The following PLA2G6 variants were observed in gnomAD, a reference collection of about 807,000 sequenced individuals.
The protein encoded by PLA2G6 is phospholipase A2 group VI.
A neutral mutation model predicts 83.8 loss-of-function variants in PLA2G6; 62 were observed. The observed-to-expected ratio is 0.74, with a 90% CI of 0.60 to 0.91. The LOEUF is 0.91. Ranked by LOEUF, PLA2G6 falls within the 40% of genes least tolerant of loss-of-function variation. The probability of loss-of-function intolerance (pLI) is 0.00; values close to 1 mark genes in which losing one functional copy is unlikely to be tolerated. For missense variants in PLA2G6, 944 were observed against 1,102.0 expected, an observed-to-expected ratio of 0.86 and a Z score of 2.03; for synonymous variants, 417 against 449.8, an observed-to-expected ratio of 0.93 and a Z score of 0.92.
At chr22:38,112,818 T>C (rs1569239893) in intron 15 of PLA2G6, 2 of 594,356 alleles carry the variant, frequency 3.4e-6, no homozygotes, top group Non-Finnish European at 6.0e-6. Context: ...GGATGATGAG[T>C]GGGGGAAAGG....
intron 9 of PLA2G6, chr22:38,127,515 G>A (rs1361882432): frequency 5.2e-6 from 6 of 1,142,902 alleles, no homozygotes; most frequent in Middle Eastern, 2.3e-4. Context: ...GGAGGGGAGA[G>A]AGAGGTGGAG....
intron 5 of PLA2G6, chr22:38,137,928 C>T (rs921307796): frequency 2.6e-5 from 4 of 152,226 alleles, no homozygotes; most frequent in African/African-American, 9.7e-5. Flanking sequence ...ACACTGAGGC[C>T]GTGGGATTCT....
At chr22:38,121,759 G>C (rs1462671132) in intron 11 of PLA2G6, among the ~76,000 whole-genome samples, 3 of 152,194 alleles carry the variant, frequency 2.0e-5, no homozygotes, top group Non-Finnish European at 4.4e-5. Context: ...AGAAGGACGT[G>C]GCCCTTTTGG....
At chr22:38,160,557 T>C (rs1158528304) in intron 2 of PLA2G6, among the ~76,000 whole-genome samples, 1 of 152,100 alleles carries the variant, frequency 6.6e-6, no homozygotes, top group African/African-American at 2.4e-5. Flanking sequence ...TAGAAAAGCC[T>C]TTATCTTGGC....
intron 13 of PLA2G6, 86 bp from the exon 14 acceptor site, chr22:38,115,767 G>T: frequency 6.6e-7 from 1 of 1,510,550 alleles, no homozygotes; most frequent in African/African-American, 1.4e-5. Flanking sequence ...GTGCGTGTTG[G>T]GGGCTGGGGG....
chr22:38,115,570 G>C lies in PLA2G6; in HGVS notation c.1991C>G (p.Ala664Gly). Residue 664 changes from alanine to glycine, a missense_variant, in exon 14 of 17, where the codon GCC (alanine) becomes GGC (glycine). Transcript: ENST00000332509. The part of the protein sequence containing the change: ...GLLANNPTLD[A>G]MTEIHEYNQD... Reference sequence around the variant, plus strand: ...ATTGTACTCATGGATCTCGGTCATGGCATCCAGCGTGGGGTTGTTGGCCAG... The same window carrying C: ...ATTGTACTCATGGATCTCGGTCATGCCATCCAGCGTGGGGTTGTTGGCCAG... 6.2e-7 allele frequency: 1 copy of C among 1,613,572 alleles called. No homozygotes were observed. The highest frequency in any genetic ancestry group is 8.5e-7 in the Non-Finnish European group (1 of 1,179,898).
intron 1 of PLA2G6, among the ~76,000 whole-genome samples, chr22:38,175,862 T>G (rs1243570122): frequency 6.6e-6 from 1 of 152,142 alleles, no homozygotes; most frequent in East Asian, 1.9e-4. Flanking sequence ...TGACTCACAG[T>G]GGGTGTTTAA....
At chr22:38,118,753 GTTT>G (rs10709435) in intron 12 of PLA2G6, among the ~76,000 whole-genome samples, 2 of 138,688 alleles carry the variant, frequency 1.4e-5, no homozygotes. Context: ...GTTTGTTTTT[GTTT>G]TTTTTTTTTT....
intron 1 of PLA2G6, among the ~76,000 whole-genome samples, chr22:38,173,520 C>T (rs738323): frequency 0.31 from 47,720 of 151,726 alleles, 8,110 homozygotes; most frequent in South Asian, 0.43. Flanking sequence ...TTTTGGTGCC[C>T]CTGCTGAGGG....
At chr22:38,151,088 A>G (rs1207198095) in intron 2 of PLA2G6, among the ~76,000 whole-genome samples, 1 of 152,176 alleles carries the variant, frequency 6.6e-6, no homozygotes, top group Admixed American at 6.6e-5. Flanking sequence ...ATAAATGCCA[A>G]TGAGAATTCT....
Position 38,145,611 on chromosome 22 carries a change from G to A in PLA2G6, c.252C>T (p.Phe84=), listed in dbSNP as rs765050084. The change falls in exon 3 of 17, where the codon TTC becomes TTT. Residue 84 remains phenylalanine, a synonymous_variant. Coordinates refer to ENST00000332509, the MANE Select transcript of PLA2G6 (RefSeq NM_003560.4). ...GTAGCAGCTGGGAAGAATACTGATG[G>A]AAATTCACTAGGGCGTCAGCCTCCA... is the stretch of plus-strand genomic sequence containing the variant. The part of the protein sequence containing the change: ...LELEADALVN[F]HQYSSQLLPF... 1.3e-5 allele frequency: 21 copies of A among 1,613,754 alleles called. No homozygotes were observed. Among genetic ancestry groups the A allele is most frequent in the Non-Finnish European group, 1.8e-5 (21 of 1,179,876 alleles).
chr22:38,156,223 T>C (rs2089772293), intron 2 of PLA2G6, among the ~76,000 whole-genome samples: 1 of 152,142 alleles, frequency 6.6e-6, no homozygotes, highest in Non-Finnish European at 1.5e-5. Flanking sequence ...AATACAATAA[T>C]AGCTGGAGAC....
At chr22:38,125,133 CAT>C (rs2087762114) in intron 10 of PLA2G6, among the ~76,000 whole-genome samples, 1 of 151,738 alleles carries the variant, frequency 6.6e-6, no homozygotes, top group Admixed American at 6.5e-5. Flanking sequence ...CATGTGTGTA[CAT>C]GTGTGTGCAT....
Position 38,161,944 on chromosome 22 carries a change from C to T in PLA2G6, c.209+7274G>A, listed in dbSNP as rs1003326543. Among the ~76,000 whole-genome samples the T allele has an allele frequency of 3.9e-5, 6 of 152,206 alleles. No homozygotes were observed. The East Asian group carries it at 5.8e-4, about 15-fold the overall frequency. ...ATAGGGCCGGGCAGGGTGGTTCATG[C>T]CTGTAATCCCAGCACTTTGGGAGGC... is the stretch of plus-strand genomic sequence containing the variant. On this transcript the variant is annotated intron_variant, in intron 2 of 16. Coordinates refer to ENST00000332509, the MANE Select transcript of PLA2G6 (RefSeq NM_003560.4).
chr22:38,151,811 C>T (rs1325573744), intron 2 of PLA2G6, among the ~76,000 whole-genome samples: 2 of 152,170 alleles, frequency 1.3e-5, no homozygotes, highest in East Asian at 1.9e-4. Flanking sequence ...AGATAAATCT[C>T]GTAATCTCTA....
At position 38,132,871 on chromosome 22, in the gene PLA2G6, CG is replaced by C; in HGVS notation, c.1036del (p.Arg346AlafsTer20). ...CAGCGGGGTGTTGCCGTGCTCTCCG[CG>C]GGCATCCGCGTTGGCCCCGTGGGTC... ...LLTHGANADARGEHGNTPLHL... is the reference protein window; with the variant it reads ...LLTHGANADAXGEHGNTPLHL... On this transcript the variant is annotated frameshift_variant, in exon 7 of 17. Transcript: ENST00000332509. LOFTEE classifies it high-confidence loss of function. The surrounding 1 kb of genome is among the most constrained non-coding windows in gnomAD (Gnocchi z 5.0). The C allele has an allele frequency of 6.4e-7, 1 of 1,552,734 alleles. No homozygotes were observed. Among genetic ancestry groups the C allele is most frequent in the Non-Finnish European group, 8.7e-7 (1 of 1,149,302 alleles).
Position 38,128,475 on chromosome 22 carries a change from G to A in PLA2G6, c.1187-45C>T. The A allele has an allele frequency of 1.9e-6, 3 of 1,603,140 alleles. No individual in the cohort carries two copies. The highest frequency in any genetic ancestry group is 2.2e-5 in the South Asian group (2 of 90,678). On this transcript the variant is annotated intron_variant, in intron 8 of 16. Coordinates refer to ENST00000332509, the MANE Select transcript of PLA2G6 (RefSeq NM_003560.4). This position sits in a 1 kb window ranked among gnomAD's most constrained non-coding sequence, Gnocchi z 4.4. ...GGGGAGATGGCACAGGATCAGAAAT[G>A]ATGTCAACATGCAAAGGAGAGGCCC...
chr22:38,158,706 G>GAC, intron 2 of PLA2G6, among the ~76,000 whole-genome samples: 1 of 152,102 alleles, frequency 6.6e-6, no homozygotes, highest in East Asian at 1.9e-4. Flanking sequence ...TTTTTATATA[G>GAC]GTGTTCTTGA....
chr22:38,159,285 T>C (rs1311739279), intron 2 of PLA2G6, among the ~76,000 whole-genome samples: 1 of 152,178 alleles, frequency 6.6e-6, no homozygotes, highest in African/African-American at 2.4e-5. Context: ...GAAAAATTCC[T>C]TGAAAACACA....
Sources: allele counts gnomAD v4.1 joint callset (sites outside exome capture counted in the v4.1 genomes callset), GRCh38; gene constraint gnomAD v4.1.1; non-coding constraint Gnocchi (gnomAD v3.1); transcripts MANE v1.5; gene names NCBI Gene and HGNC (gene_info 2026-07-23, HGNC 2026-07-21).